Variants in GABRA2 observed in about 807,000 individuals in gnomAD.
The protein encoded by GABRA2 is gamma-aminobutyric acid receptor subunit alpha-2.
In GABRA2, 16 loss-of-function variants were observed where a neutral mutation model predicts 48.7. That is an observed-to-expected ratio of 0.33 (90% CI 0.22 to 0.50). The LOEUF (loss-of-function observed/expected upper bound fraction) is 0.50. GABRA2 is among the 20% of genes least tolerant of loss of function. The pLI is 0.98. For missense variants in GABRA2, 275 were observed against 535.6 expected (o/e 0.51, Z 4.80); for synonymous variants, 185 against 184.5 (o/e 1.00, Z -0.02).
chr4:46,388,776 T>A lies in GABRA2; in HGVS notation c.-10-60A>T. 1.9e-6 allele frequency: 3 copies of A among 1,610,878 alleles called. No homozygotes were observed. In the South Asian group the frequency reaches 3.3e-5, roughly 18 times the overall value. On this transcript the variant is annotated intron_variant, in intron 1 of 9. Coordinates refer to ENST00000381620, the MANE Select transcript of GABRA2 (RefSeq NM_000807.4). Reference sequence around the variant, plus strand: ...CTTAAAATTGCCTTCAGTTTCACTATCCAAGTAACCCCAAAGAATATCCTT... The same window carrying A: ...CTTAAAATTGCCTTCAGTTTCACTAACCAAGTAACCCCAAAGAATATCCTT...
At chr4:46,256,090 C>T (rs1156988323) in intron 9 of GABRA2, 3 of 440,222 alleles carry the variant, frequency 6.8e-6, no homozygotes, top group African/African-American at 4.1e-5. Context: ...GTTATTGTGG[C>T]TACTAGAAAG....
At chr4:46,307,647 A>G (rs879717850) in intron 6 of GABRA2, among the ~76,000 whole-genome samples, 22 of 151,896 alleles carry the variant, frequency 1.4e-4, no homozygotes, top group Non-Finnish European at 2.8e-4. Context: ...GTCTCAATTC[A>G]CTCTTACTAG....
intron 3 of GABRA2, among the ~76,000 whole-genome samples, chr4:46,350,164 G>A (rs1734882310): frequency 6.6e-6 from 1 of 151,826 alleles, no homozygotes; most frequent in Non-Finnish European, 1.5e-5. Context: ...ACTCTGATAT[G>A]AAATCCCATT....
At chr4:46,371,527 G>T (rs1043891538) in intron 3 of GABRA2, among the ~76,000 whole-genome samples, 1 of 151,826 alleles carries the variant, frequency 6.6e-6, no homozygotes, top group Non-Finnish European at 1.5e-5. Flanking sequence ...ATAAAGCAAG[G>T]TTCAAATACT....
At chr4:46,332,200 T>TTTG (rs1177098078) in intron 4 of GABRA2, among the ~76,000 whole-genome samples, 5 of 152,040 alleles carry the variant, frequency 3.3e-5, no homozygotes, top group Non-Finnish European at 7.4e-5. Flanking sequence ...CAAAGGGTTT[T>TTTG]TTGTTGTTGT....
intron 3 of GABRA2, among the ~76,000 whole-genome samples, chr4:46,373,256 A>T (rs1016454283): frequency 1.2e-4 from 19 of 152,196 alleles, no homozygotes; most frequent in Non-Finnish European, 1.5e-5. Context: ...TATATTTCAC[A>T]GATTGTAATG....
chr4:46,266,388 TTTTA>T lies in GABRA2; in HGVS notation c.857-4264_857-4261del, dbSNP rs749826306. ...TAAATTTTATATTTACTTTTTAATA[TTTTA>T]TTTTAGTTTTGATGAGTAATTCTTG... On this transcript the variant is annotated intron_variant, in intron 8 of 9. Transcript: ENST00000381620. Among the ~76,000 whole-genome samples, 17 of 149,052 alleles carry T rather than the reference TTTTA, an allele frequency of 1.1e-4. No homozygotes were observed. The East Asian group carries it at 2.9e-3, about 26-fold the overall frequency.
chr4:46,353,550 A>G (rs1197474896), intron 3 of GABRA2, among the ~76,000 whole-genome samples: 1 of 152,084 alleles, frequency 6.6e-6, no homozygotes, highest in East Asian at 1.9e-4. Context: ...ATCTGACTTC[A>G]TCTCCTGCTA....
chr4:46,279,196 A>G (rs911745915), intron 8 of GABRA2, among the ~76,000 whole-genome samples: 27 of 152,100 alleles, frequency 1.8e-4, no homozygotes, highest in African/African-American at 6.5e-4. Context: ...TCTTTTTGAT[A>G]CAGCACTCTG....
rs1295259246 is a variant in GABRA2 at position 46,246,814 on chromosome 4, A to T, written c.*3494T>A. Among the ~76,000 whole-genome samples, 1 of 151,206 alleles carries T rather than the reference A, an allele frequency of 6.6e-6. No homozygotes were observed. The highest frequency in any genetic ancestry group is 2.4e-5 in the African/African-American group (1 of 41,342). ...CATCAGGCATAGAATACATTAAACAAATTATTAATGGATGCCAAAGAACCA... is the reference window on the plus strand; with the variant it reads ...CATCAGGCATAGAATACATTAAACATATTATTAATGGATGCCAAAGAACCA... On this transcript the variant is annotated 3_prime_UTR_variant, in exon 10 of 10. Transcript: ENST00000381620.
rs561832225 is a variant in GABRA2, at chr4:46,256,133, G to A, written c.1060-5529C>T. ...CTTGTAAAATAACAACGTGCTCATT[G>A]GTCAGATAATGCTATTGTTAACTGT... On this transcript the variant is annotated intron_variant, in intron 9 of 9. Transcript: ENST00000381620. 2,538 of 457,410 alleles carry A rather than the reference G, an allele frequency of 5.5e-3. 18 individuals are homozygous for A. The highest frequency in any genetic ancestry group is 7.8e-3 in the Non-Finnish European group (1,999 of 255,360). 28.3% of individuals were successfully genotyped at this position (457,410 alleles called of 1,614,324 possible).
chr4:46,343,834 T>C (rs1365840485), intron 3 of GABRA2, among the ~76,000 whole-genome samples: 1 of 151,948 alleles, frequency 6.6e-6, no homozygotes, highest in African/African-American at 2.4e-5. Flanking sequence ...CTGTATCTAA[T>C]TGGGGAGTTC....
intron 8 of GABRA2, among the ~76,000 whole-genome samples, chr4:46,274,026 A>T (rs1357428268): frequency 1.3e-5 from 2 of 152,122 alleles, no homozygotes; most frequent in African/African-American, 4.8e-5. Flanking sequence ...GGGCAGAAGA[A>T]TGTAGTCTTG....
intron 3 of GABRA2, among the ~76,000 whole-genome samples, chr4:46,384,680 C>G (rs140654739): frequency 6.6e-6 from 1 of 152,274 alleles, no homozygotes; most frequent in South Asian, 2.1e-4. Context: ...TCTTAAACCA[C>G]GATTGTGAAT....
At position 46,296,669 on chromosome 4, in the gene GABRA2, A is replaced by G. The variant is rs865864339; in HGVS notation, c.856+6791T>C. ...CTCTATCAGGGGGAAAAAAAAAAAG[A>G]AAAAAAAAAACCTGCTGAGGTGCTT... On this transcript the variant is annotated intron_variant, in intron 8 of 9. Coordinates refer to ENST00000381620, the MANE Select transcript of GABRA2 (RefSeq NM_000807.4). 9.1e-4 allele frequency among the ~76,000 whole-genome samples: 133 copies of G among 146,538 alleles called. 1 individual carries two copies. Among genetic ancestry groups the G allele is most frequent in the African/African-American group, 3.2e-3 (125 of 38,602 alleles).
chr4:46,371,032 T>C (rs1413926001), intron 3 of GABRA2, among the ~76,000 whole-genome samples: 2 of 152,122 alleles, frequency 1.3e-5, no homozygotes, highest in East Asian at 3.9e-4. Context: ...TAGTCCAAGA[T>C]CACACAGCTT....
chr4:46,271,813 TTCTC>T (rs1719389533), intron 8 of GABRA2, among the ~76,000 whole-genome samples: 4 of 151,960 alleles, frequency 2.6e-5, no homozygotes, highest in Admixed American at 2.6e-4. Context: ...CCTGAAGTCT[TTCTC>T]TCAGAGAAAG....
At chr4:46,301,852 T>C (rs976611524) in intron 8 of GABRA2, among the ~76,000 whole-genome samples, 1 of 152,168 alleles carries the variant, frequency 6.6e-6, no homozygotes, top group African/African-American at 2.4e-5. Flanking sequence ...TGGTACAGTA[T>C]CTAACAAAAT....
intron 9 of GABRA2, among the ~76,000 whole-genome samples, chr4:46,253,430 G>T (rs1291209061): frequency 1.3e-5 from 2 of 151,406 alleles, no homozygotes; most frequent in Non-Finnish European, 3.0e-5. Flanking sequence ...TTGTATGTTG[G>T]CACTTTTTGT....
Sources: allele counts gnomAD v4.1 joint callset (sites outside exome capture counted in the v4.1 genomes callset), GRCh38; gene constraint gnomAD v4.1.1; transcripts MANE v1.5; gene names NCBI Gene and HGNC (gene_info 2026-07-23, HGNC 2026-07-21).